The following RUVBL1 variants were observed in gnomAD, a reference collection of about 807,000 sequenced individuals.
RUVBL1 encodes the protein ruvB-like 1.
A neutral mutation model predicts 52.4 loss-of-function variants in RUVBL1; 4 were observed. The observed-to-expected ratio is 0.08, with a 90% CI of 0.04 to 0.17. The LOEUF is 0.17. RUVBL1 is among the 10% of genes least tolerant of loss of function. The probability of loss-of-function intolerance (pLI) is 1.00; values close to 1 mark genes in which losing one functional copy is unlikely to be tolerated. For synonymous variants in RUVBL1, 217 were observed against 214.4 expected, an observed-to-expected ratio of 1.01 and a Z score of -0.10; for missense variants, 298 against 572.8, an observed-to-expected ratio of 0.52 and a Z score of 4.90.
chr3:128,139,104 T>C (rs931139209), intron 1 of RUVBL1, among the ~76,000 whole-genome samples: 3 of 152,142 alleles, frequency 2.0e-5, no homozygotes, highest in Admixed American at 6.5e-5. Flanking sequence ...AAATAAAACA[T>C]TGGAGAAACT....
upstream of RUVBL1, chr3:128,123,857 G>A (rs1943721816): frequency 7.4e-7 from 1 of 1,345,180 alleles, no homozygotes. Context: ...TCCATTGGTG[G>A]AAGCGGGAAC....
intron 9 of RUVBL1, among the ~76,000 whole-genome samples, chr3:128,069,280 CGTGTGGCCA>C (rs1447573347): frequency 6.6e-6 from 1 of 152,240 alleles, no homozygotes; most frequent in African/African-American, 2.4e-5. Flanking sequence ...CCCCTGGCCA[CGTGTGGCCA>C]GTGTGGCCAC....
At position 128,067,882 on chromosome 3, in the gene RUVBL1, C is replaced by A; in HGVS notation, c.940-2662G>T. Reference sequence around the variant, plus strand: ...TTAAAGTTCTCTGTATGAATATTGTCAGTGCTCGAAGAGGCGATCTGTAAC... The same window carrying A: ...TTAAAGTTCTCTGTATGAATATTGTAAGTGCTCGAAGAGGCGATCTGTAAC... On this transcript the variant is annotated intron_variant, in intron 9 of 9. Transcript: ENST00000464873. This position sits in a 1 kb window ranked among gnomAD's most constrained non-coding sequence, Gnocchi z 4.1. 1 of 905,778 alleles carries A rather than the reference C, an allele frequency of 1.1e-6. No homozygotes were observed. Among genetic ancestry groups the A allele is most frequent in the South Asian group, 1.4e-5 (1 of 73,758 alleles). The allele number at this position is 905,778 out of a possible 1,614,324, so 56.1% of individuals were successfully genotyped here. A position where few individuals can be genotyped will look rare whatever the true frequency, so the allele number is the denominator to read the frequency against.
intron 3 of RUVBL1, among the ~76,000 whole-genome samples, chr3:128,109,525 G>T (rs1438959927): frequency 6.6e-6 from 1 of 152,098 alleles, no homozygotes; most frequent in East Asian, 1.9e-4. Context: ...TTTTGAGACA[G>T]GGTCTCACTG....
chr3:128,149,084 CTGATA>C (rs199654943), intron 1 of RUVBL1, among the ~76,000 whole-genome samples: 3,989 of 151,942 alleles, frequency 0.026, 108 homozygotes, highest in Non-Finnish European at 0.039. Flanking sequence ...AGCTTTGTGT[CTGATA>C]TAATTTCTTT....
exon 1 of RUVBL1, chr3:128,153,438 GC>G (rs1944287698): frequency 7.0e-7 from 1 of 1,428,804 alleles, no homozygotes; most frequent in South Asian, 1.5e-5. Context: ...AACTTAACGG[GC>G]CGGACCGCGG....
downstream of RUVBL1, among the ~76,000 whole-genome samples, chr3:128,079,422 G>A (rs149278690): frequency 6.6e-6 from 1 of 152,254 alleles, no homozygotes; most frequent in Non-Finnish European, 1.5e-5. Context: ...AAGTGGTCTT[G>A]GAAGTGGGCT....
chr3:128,112,130 T>C (rs139612961), intron 3 of RUVBL1, among the ~76,000 whole-genome samples: 206 of 152,292 alleles, frequency 1.4e-3, no homozygotes, highest in East Asian at 0.013. Flanking sequence ...CCAGCAGAAA[T>C]GGGGCCAAAA....
chr3:128,067,297 TA>T lies in RUVBL1; in HGVS notation c.940-2078del. On this transcript the variant is annotated intron_variant, in intron 9 of 9. Coordinates refer to the RUVBL1 transcript ENST00000464873. This position sits in a 1 kb window ranked among gnomAD's most constrained non-coding sequence, Gnocchi z 4.1. ...TCAGCACATTAAATTATCTTTTCAG[TA>T]AAAAAATTGTACTGTGGGCACCGAG... is the stretch of plus-strand genomic sequence containing the variant. 8 of 1,302,328 alleles carry T rather than the reference TA, an allele frequency of 6.1e-6. No homozygotes were observed. The highest frequency in any genetic ancestry group is 6.4e-6 in the Non-Finnish European group (6 of 934,858). 80.7% of individuals were successfully genotyped at this position (1,302,328 alleles called of 1,614,324 possible).
chr3:128,142,114 T>A (rs1202239366), intron 1 of RUVBL1: 1 of 152,322 alleles, frequency 6.6e-6, no homozygotes, highest in African/African-American at 2.4e-5. Flanking sequence ...CATAAAGTCC[T>A]CTGCTGGGAG....
rs559217994 is a variant in RUVBL1, at chr3:128,131,585, C to T, written c.-39-12171G>A. Among the ~76,000 whole-genome samples, 9 of 152,198 alleles carry T rather than the reference C, an allele frequency of 5.9e-5. No individual in the cohort carries two copies. The East Asian group carries it at 1.7e-3, about 29-fold the overall frequency. On this transcript the variant is annotated intron_variant, in intron 1 of 9. Coordinates refer to the RUVBL1 transcript ENST00000464873. ...TGAATATAGATGCAACAATTCTCAA[C>T]AAAATTCTAGCAAACCCAATTTAGC...
intron 7 of RUVBL1, 150 bp downstream of exon 7, chr3:128,098,732 A>C: frequency 1.5e-6 from 1 of 666,518 alleles, no homozygotes; most frequent in Non-Finnish European, 2.6e-6. Context: ...CCAGAAACTT[A>C]GGCTAGAGTC....
At chr3:128,120,331 C>CA (rs1943614953) in intron 1 of RUVBL1, among the ~76,000 whole-genome samples, 1 of 152,126 alleles carries the variant, frequency 6.6e-6, no homozygotes. Context: ...CTATTAGATC[C>CA]ATTGAATATG....
At position 128,067,505 on chromosome 3, in the gene RUVBL1, G is replaced by A. The variant is rs185443022; in HGVS notation, c.940-2285C>T. On this transcript the variant is annotated intron_variant, in intron 9 of 9. Transcript: ENST00000464873. This position sits in a 1 kb window ranked among gnomAD's most constrained non-coding sequence, Gnocchi z 4.1. ...GTCCCCTCCAGAATCTTTTGGCTCC[G>A]TGTTAGAAGACCCGGTCCATGCAGT... 27 of 1,614,164 alleles carry A rather than the reference G, an allele frequency of 1.7e-5. No homozygotes were observed. Among genetic ancestry groups the A allele is most frequent in the Middle Eastern group, 3.3e-4 (2 of 6,062 alleles).
At chr3:128,066,833 G>A (rs1269849962) in intron 9 of RUVBL1, 1 of 901,066 alleles carries the variant, frequency 1.1e-6, no homozygotes, top group Non-Finnish European at 1.7e-6. Context: ...GGGAGCCCCA[G>A]AACCAGCACA....
chr3:128,105,973 G>A (rs556000233), intron 3 of RUVBL1, among the ~76,000 whole-genome samples: 5 of 147,610 alleles, frequency 3.4e-5, no homozygotes, highest in African/African-American at 1.2e-4. Context: ...AGGTTCAAGT[G>A]ATTCTCCTGC....
intron 1 of RUVBL1, among the ~76,000 whole-genome samples, chr3:128,122,991 TA>T (rs1943687756): frequency 6.6e-6 from 1 of 152,206 alleles, no homozygotes; most frequent in Non-Finnish European, 1.5e-5. Context: ...GAGGGGTGGA[TA>T]AACCAGATTG....
At chr3:128,123,925 G>T (rs1943722977), upstream of RUVBL1, 1 of 1,238,996 alleles carries the variant, frequency 8.1e-7, no homozygotes, top group African/African-American at 1.5e-5. Flanking sequence ...TAGAGCTCCG[G>T]TCACCCACTT....
chr3:128,146,168 A>G (rs1944100016), intron 1 of RUVBL1, among the ~76,000 whole-genome samples: 1 of 152,116 alleles, frequency 6.6e-6, no homozygotes, highest in Non-Finnish European at 1.5e-5. Flanking sequence ...GGTTTGGGAG[A>G]AAAATGCTCT....
Sources: allele counts gnomAD v4.1 joint callset (sites outside exome capture counted in the v4.1 genomes callset), GRCh38; gene constraint gnomAD v4.1.1; non-coding constraint Gnocchi (gnomAD v3.1); transcripts MANE v1.5; gene names NCBI Gene and HGNC (gene_info 2026-07-23, HGNC 2026-07-21).